Variants in RNF216 observed in about 807,000 individuals in gnomAD.
The protein encoded by RNF216 is E3 ubiquitin-protein ligase RNF216.
A neutral mutation model predicts 110.8 loss-of-function variants in RNF216; 72 were observed. That is an observed-to-expected ratio of 0.65 (90% CI 0.54 to 0.79). The LOEUF is 0.79. Ranked by LOEUF, RNF216 falls within the 30% of genes least tolerant of loss-of-function variation. RNF216 has a pLI of 0.00. For synonymous variants in RNF216, 495 were observed against 407.5 expected (o/e 1.21, Z -2.59); for missense variants, 1,342 against 1,141.2 (o/e 1.18, Z -2.54).
chr7:5,750,063 T>A (rs1022886326), intron 3 of RNF216, among the ~76,000 whole-genome samples: 1 of 152,262 alleles, frequency 6.6e-6, no homozygotes, highest in Non-Finnish European at 1.5e-5. Flanking sequence ...AAACTATTCA[T>A]GAGTATTCTT....
intron 13 of RNF216, among the ~76,000 whole-genome samples, chr7:5,654,185 G>A (rs969249820): frequency 6.6e-6 from 1 of 152,224 alleles, no homozygotes; most frequent in African/African-American, 2.4e-5. Context: ...AGGACAGGTA[G>A]AAAAGGGGAC....
Position 5,641,270 on chromosome 7 carries a change from T to A in RNF216, c.2266A>T (p.Met756Leu), listed in dbSNP as rs764544730. The stretch of plus-strand genomic sequence containing the variant: ...ATAGAAACTCGACAGAGGTAGCACA[T>A]CTGGGCACCACAGCGGCAAGACATG... ...NRMSCRCGAQ[M>L]CYLCRVSING... The change falls in exon 15 of 17, where the codon ATG (methionine) becomes TTG (leucine). Residue 756 changes from methionine (M) to leucine (L), a missense_variant. Transcript: ENST00000389902. The A allele has an allele frequency of 6.2e-7, 1 of 1,614,104 alleles. No individual in the cohort carries two copies. Among genetic ancestry groups the A allele is most frequent in the Non-Finnish European group, 8.5e-7 (1 of 1,180,030 alleles).
chr7:5,727,308 C>A (rs377062924), intron 7 of RNF216, among the ~76,000 whole-genome samples: 1 of 152,254 alleles, frequency 6.6e-6, no homozygotes, highest in African/African-American at 2.4e-5. Flanking sequence ...CTTATGACCA[C>A]AAGCTTTCCA....
intron 13 of RNF216, among the ~76,000 whole-genome samples, chr7:5,668,425 G>C (rs983440403): frequency 3.3e-5 from 5 of 151,930 alleles, no homozygotes; most frequent in African/African-American, 4.8e-5. Flanking sequence ...GGGTTTCACC[G>C]TGTTAGCCAG....
chr7:5,752,191 T>TA (rs1420870769), intron 3 of RNF216, among the ~76,000 whole-genome samples: 4 of 147,742 alleles, frequency 2.7e-5, no homozygotes, highest in East Asian at 2.0e-4. Context: ...CTCAAAAAAA[T>TA]AAAAAAAATG....
chr7:5,719,129 C>G (rs1359162873), intron 9 of RNF216, among the ~76,000 whole-genome samples: 1 of 152,034 alleles, frequency 6.6e-6, no homozygotes, highest in Non-Finnish European at 1.5e-5. Flanking sequence ...GCCTGTAACC[C>G]CAACAATTTG....
chr7:5,701,256 T>G (rs73064610), intron 13 of RNF216, among the ~76,000 whole-genome samples: 2 of 152,196 alleles, frequency 1.3e-5, no homozygotes, highest in Non-Finnish European at 2.9e-5. Flanking sequence ...CCCCTTTACA[T>G]GGCAGAACAC....
chr7:5,659,610 C>T (rs962497170), intron 13 of RNF216, among the ~76,000 whole-genome samples: 24 of 152,212 alleles, frequency 1.6e-4, no homozygotes, highest in African/African-American at 5.5e-4. Context: ...CTTCTGGCTG[C>T]TACTGTTAAA....
rs572710614 is a variant in RNF216, at chr7:5,734,260, C to T, written c.1122-3443G>A. ...ATTGCTAAGTGGTATAAATGGAATA[C>T]CATTTAGCAATGGAAAATATATAAA... On this transcript the variant is annotated intron_variant, in intron 5 of 16. Coordinates refer to ENST00000389902, the MANE Select transcript of RNF216 (RefSeq NM_207111.4). Among the ~76,000 whole-genome samples, 4 of 152,098 alleles carry T rather than the reference C, an allele frequency of 2.6e-5. No individual in the cohort carries two copies. The South Asian group carries it at 8.3e-4, about 32-fold the overall frequency.
chr7:5,737,813 A>G (rs7790499), intron 5 of RNF216, among the ~76,000 whole-genome samples: 148,963 of 152,192 alleles, frequency 0.98, 72,917 homozygotes, highest in Middle Eastern at 0.99. Flanking sequence ...CACCAGGCTG[A>G]GCACGGTGGC....
intron 15 of RNF216, among the ~76,000 whole-genome samples, chr7:5,635,908 G>A (rs1253815678): frequency 1.3e-5 from 2 of 152,188 alleles, no homozygotes; most frequent in Non-Finnish European, 2.9e-5. Flanking sequence ...AAGCCCTAGG[G>A]TTTTATTTGA....
chr7:5,691,920 C>T (rs1791364695), intron 13 of RNF216, among the ~76,000 whole-genome samples: 1 of 152,260 alleles, frequency 6.6e-6, no homozygotes, highest in Admixed American at 6.5e-5. Context: ...TAATGAAAGA[C>T]AGACCCCAGG....
chr7:5,662,146 G>T (rs1033311834), intron 13 of RNF216, among the ~76,000 whole-genome samples: 1 of 152,202 alleles, frequency 6.6e-6, no homozygotes, highest in African/African-American at 2.4e-5. Flanking sequence ...CTGGAGAGCT[G>T]CGAATGGCTC....
chr7:5,672,647 C>T (rs1789991018), intron 13 of RNF216, among the ~76,000 whole-genome samples: 1 of 152,310 alleles, frequency 6.6e-6, no homozygotes, highest in East Asian at 1.9e-4. Flanking sequence ...ACGATAAAGA[C>T]TCATCGCATA....
chr7:5,754,495 C>G lies in RNF216; in HGVS notation c.68-1516G>C, dbSNP rs187616181. Among the ~76,000 whole-genome samples the G allele has an allele frequency of 7.2e-3, 1,095 of 152,004 alleles. 8 individuals carry two copies. The highest frequency in any genetic ancestry group is 0.011 in the Non-Finnish European group (760 of 67,974). On this transcript the variant is annotated intron_variant, in intron 2 of 16. Transcript: ENST00000389902. ...GTGGATTTTTAAGGATGAGGAGTTG[C>G]CAAGCTCCTCACTTAGCCATTTCAG...
chr7:5,648,602 C>T lies in RNF216; in HGVS notation c.2159+3811G>A, dbSNP rs141778607. Among the ~76,000 whole-genome samples the T allele has an allele frequency of 2.9e-3, 436 of 151,778 alleles. 1 individual carries two copies. The Middle Eastern group carries it at 0.031, about 11-fold the overall frequency. On this transcript the variant is annotated intron_variant, in intron 14 of 16. Coordinates refer to ENST00000389902, the MANE Select transcript of RNF216 (RefSeq NM_207111.4). Reference sequence around the variant, plus strand: ...AATTAGCCAGGCATGGTGGCGGGCACTCATAGTCCCAGCTACTCGGGAGGC... The same window carrying T: ...AATTAGCCAGGCATGGTGGCGGGCATTCATAGTCCCAGCTACTCGGGAGGC...
chr7:5,756,656 T>C (rs375634424), intron 2 of RNF216, among the ~76,000 whole-genome samples: 43 of 152,336 alleles, frequency 2.8e-4, no homozygotes, highest in African/African-American at 1.0e-3. Flanking sequence ...GGTCGCTCTC[T>C]GTTGCCCAGG....
rs143756439 is a variant in RNF216 at position 5,691,768 on chromosome 7, G to A, written c.2061+19993C>T. Among the ~76,000 whole-genome samples the A allele has an allele frequency of 6.0e-4, 92 of 152,316 alleles. No homozygotes were observed. In the Middle Eastern group the frequency reaches 0.01, roughly 17 times the overall value. Reference sequence around the variant, plus strand: ...CGGAGAGTTACTAGTGTATGAAATTGAGGTCAGAGGAAACTACACCAATAT... The same window carrying A: ...CGGAGAGTTACTAGTGTATGAAATTAAGGTCAGAGGAAACTACACCAATAT... On this transcript the variant is annotated intron_variant, in intron 13 of 16. Coordinates refer to ENST00000389902, the MANE Select transcript of RNF216 (RefSeq NM_207111.4).
rs190430547 is a variant in RNF216 at position 5,647,750 on chromosome 7, A to G, written c.2159+4663T>C. Reference sequence around the variant, plus strand: ...TCCGCTCTTACTTCCCGTATCTATCAGCTACCAAGACCTGTTGATTTTACA... The same window carrying G: ...TCCGCTCTTACTTCCCGTATCTATCGGCTACCAAGACCTGTTGATTTTACA... On this transcript the variant is annotated intron_variant, in intron 14 of 16. Transcript: ENST00000389902. Among the ~76,000 whole-genome samples the G allele has an allele frequency of 2.4e-3, 366 of 152,316 alleles. 1 individual carries two copies. The highest frequency in any genetic ancestry group is 4.1e-3 in the Non-Finnish European group (281 of 68,022).
Sources: allele counts gnomAD v4.1 joint callset (sites outside exome capture counted in the v4.1 genomes callset), GRCh38; gene constraint gnomAD v4.1.1; transcripts MANE v1.5; gene names NCBI Gene and HGNC (gene_info 2026-07-23, HGNC 2026-07-21).